The following RRP15 variants were observed in gnomAD, a reference collection of about 807,000 sequenced individuals.
RRP15 encodes the protein RRP15-like protein.
Under a neutral mutation model 27.1 loss-of-function variants are expected in RRP15, and 18 were observed. The ratio of observed to expected loss-of-function variants is 0.66; its 90% CI spans 0.46 to 0.98. The LOEUF (loss-of-function observed/expected upper bound fraction) is 0.98, where lower values mean the gene tolerates loss of function less well. RRP15 is among the 50% of genes least tolerant of loss of function. RRP15 has a pLI of 0.00. For synonymous variants in RRP15, 107 were observed against 109.4 expected, an observed-to-expected ratio of 0.98 and a Z score of 0.14; for missense variants, 359 against 337.8, an observed-to-expected ratio of 1.06 and a Z score of -0.49.
chr1:218,307,389 T>C (rs753193287), intron 3 of RRP15, 42 bp from the exon 4 acceptor site: 2 of 1,524,568 alleles, frequency 1.3e-6, no homozygotes, highest in Non-Finnish European at 1.8e-6. Flanking sequence ...TATTCTAGGG[T>C]AATTATTTAA....
chr1:218,326,257 G>C (rs1363727731), intron 4 of RRP15, among the ~76,000 whole-genome samples: 1 of 152,180 alleles, frequency 6.6e-6, no homozygotes, highest in Non-Finnish European at 1.5e-5. Flanking sequence ...AGTGAGCCAA[G>C]AATGCACCAT....
At chr1:218,294,270 C>G (rs1403320950) in intron 1 of RRP15, among the ~76,000 whole-genome samples, 1 of 152,134 alleles carries the variant, frequency 6.6e-6, no homozygotes, top group Non-Finnish European at 1.5e-5. Flanking sequence ...CCTGTTTGCT[C>G]TCCAATTCAT....
In RRP15 at chr1:218,325,270, AT is replaced by A. The variant is rs141687925; in HGVS notation, c.706-5676del. Among the ~76,000 whole-genome samples the A allele has an allele frequency of 5.6e-3, 853 of 152,300 alleles. 7 individuals carry two copies. The highest frequency in any genetic ancestry group is 0.019 in the African/African-American group (779 of 41,554). On this transcript the variant is annotated intron_variant, in intron 4 of 4. Coordinates refer to ENST00000366932, the MANE Select transcript of RRP15 (RefSeq NM_016052.4). ...GTGTAGTTGTTATTTTGGAATCTCCATTCATTCTCATCCTGGCTGTTTCCTT... is the reference window on the plus strand; with the variant it reads ...GTGTAGTTGTTATTTTGGAATCTCCATCATTCTCATCCTGGCTGTTTCCTT...
chr1:218,307,562 G>T lies in RRP15; in HGVS notation c.635G>T (p.Ser212Ile), dbSNP rs770136251. Residue 212 changes from serine to isoleucine, a missense_variant, in exon 4 of 5, where the codon AGT (serine) becomes ATT (isoleucine). Ser to Ile is a moderately radical substitution (Grantham distance 142). Transcript: ENST00000366932. ...ACTGTTTCCAAGAAAGATTTCATCA[G>T]TGTTTTGAGAGGGATGGATGGAAGT... ...ISTVSKKDFI[S>I]VLRGMDGSTN... 3 of 1,613,996 alleles carry T rather than the reference G, an allele frequency of 1.9e-6. No homozygotes were observed. Among genetic ancestry groups the T allele is most frequent in the Non-Finnish European group, 2.5e-6 (3 of 1,179,932 alleles).
intron 4 of RRP15, among the ~76,000 whole-genome samples, chr1:218,316,738 G>A (rs1656094865): frequency 6.6e-6 from 1 of 152,066 alleles, no homozygotes; most frequent in Non-Finnish European, 1.5e-5. Flanking sequence ...ATTTTCCATT[G>A]CATGCCATCA....
Position 218,307,459 on chromosome 1 carries a change from C to G in RRP15, c.532C>G (p.Gln178Glu). ...RGVVQLFNAVQKHQKNVDEKV... is the reference protein window; with the variant it reads ...RGVVQLFNAVEKHQKNVDEKV... ...TGTGGTGCAATTATTTAATGCTGTT[C>G]AGAAACATCAAAAGAATGTTGATGA... Residue 178 changes from glutamine to glutamate, a missense_variant, in exon 4 of 5, where the codon CAG becomes GAG. Physicochemically the swap from Gln to Glu is conservative, Grantham distance 29. Coordinates refer to ENST00000366932, the MANE Select transcript of RRP15 (RefSeq NM_016052.4). 1 of 1,613,636 alleles carries G rather than the reference C, an allele frequency of 6.2e-7. No homozygotes were observed. The highest frequency in any genetic ancestry group is 8.5e-7 in the Non-Finnish European group (1 of 1,179,840).
intron 1 of RRP15, chr1:218,301,313 A>T (rs1315913704): frequency 6.6e-6 from 1 of 152,208 alleles, no homozygotes; most frequent in Non-Finnish European, 1.5e-5. Context: ...TCTTCCAAGT[A>T]TTTCCTAATA....
intron 3 of RRP15, 115 bp from the exon 4 acceptor site, chr1:218,307,316 C>T (rs1420612812): frequency 1.2e-6 from 1 of 810,616 alleles, no homozygotes; most frequent in Non-Finnish European, 1.9e-6. Flanking sequence ...CCTTTGAGTA[C>T]TTGTTAAATG....
At chr1:218,312,319 G>T (rs1236620188) in intron 4 of RRP15, among the ~76,000 whole-genome samples, 2 of 146,328 alleles carry the variant, frequency 1.4e-5, no homozygotes, top group African/African-American at 5.0e-5. Context: ...GTTCAGTGCT[G>T]CTCTGCTCGT....
intron 1 of RRP15, chr1:218,301,611 A>G (rs1571796770): frequency 6.6e-6 from 1 of 152,114 alleles, no homozygotes. Flanking sequence ...GTACACTTAC[A>G]CATTTGTATC....
chr1:218,287,710 C>G (rs144178749), intron 1 of RRP15, among the ~76,000 whole-genome samples: 96 of 152,232 alleles, frequency 6.3e-4, no homozygotes, highest in African/African-American at 2.0e-3. Flanking sequence ...TTATATCTTA[C>G]GTGTATTATT....
intron 4 of RRP15, among the ~76,000 whole-genome samples, chr1:218,310,477 A>C (rs116660666): frequency 0.01 from 1,591 of 152,280 alleles, 31 homozygotes; most frequent in African/African-American, 0.036. Context: ...CAAAAGAGGC[A>C]GGAGTTTTAT....
chr1:218,327,515 G>A (rs1656293557), intron 4 of RRP15, among the ~76,000 whole-genome samples: 2 of 152,062 alleles, frequency 1.3e-5, no homozygotes, highest in Admixed American at 1.3e-4. Flanking sequence ...TGTTGGCCAG[G>A]CTGGTCTGAA....
rs1261072062 is a variant in RRP15, at chr1:218,331,688, T to C, written c.*597T>C. ...TTTTTTTTTTTTTTTTTTTTTTTTTTTTGAGACGGAGTCTTGCTCTGTGGC... is the reference window on the plus strand; with the variant it reads ...TTTTTTTTTTTTTTTTTTTTTTTTTCTTGAGACGGAGTCTTGCTCTGTGGC... On this transcript the variant is annotated 3_prime_UTR_variant, in exon 5 of 5. Transcript: ENST00000366932. The C allele has an allele frequency of 1.0e-4, 11 of 104,818 alleles. No homozygotes were observed. Among genetic ancestry groups the C allele is most frequent in the Admixed American group, 2.0e-4 (2 of 9,936 alleles). The allele number at this position is 104,818 out of a possible 1,614,324, so 6.5% of individuals were successfully genotyped here.
In RRP15 at chr1:218,328,193, G is replaced by T. The variant is rs1004677368; in HGVS notation, c.706-2755G>T. Among the ~76,000 whole-genome samples, 3 of 152,138 alleles carry T rather than the reference G, an allele frequency of 2.0e-5. No homozygotes were observed. The East Asian group carries it at 5.8e-4, about 29-fold the overall frequency. On this transcript the variant is annotated intron_variant, in intron 4 of 4. Transcript: ENST00000366932. ...TAAAGCTCTTCCTGTTATTCTTTACGTTGGACAATTGAGTAAAACGTTGTA... is the reference window on the plus strand; with the variant it reads ...TAAAGCTCTTCCTGTTATTCTTTACTTTGGACAATTGAGTAAAACGTTGTA...
intron 1 of RRP15, among the ~76,000 whole-genome samples, chr1:218,288,704 G>A (rs556774255): frequency 6.4e-4 from 98 of 152,344 alleles, no homozygotes; most frequent in African/African-American, 1.3e-3. Context: ...AAGTGAAAGC[G>A]TTGGGCCTTT....
chr1:218,303,343 A>G (rs551182673), intron 2 of RRP15, among the ~76,000 whole-genome samples: 2 of 152,308 alleles, frequency 1.3e-5, no homozygotes, highest in South Asian at 2.1e-4. Context: ...GAACTGACAT[A>G]TATTTCCTTT....
chr1:218,302,558 A>G lies in RRP15; in HGVS notation c.404A>G (p.Gln135Arg). The change falls in exon 2 of 5, where the codon CAG becomes CGG. Residue 135 changes from glutamine (Q) to arginine (R), a missense_variant and splice_region_variant. Coordinates refer to ENST00000366932, the MANE Select transcript of RRP15 (RefSeq NM_016052.4). ...CAAGAAAGACTAGAGAAAATAAAAC[A>G]GGTATGTTCCACCAGTTCTCTTGTA... The part of the protein sequence containing the change: ...LKQERLEKIK[Q>R]RDKRLEWEMM... The G allele has an allele frequency of 6.2e-7, 1 of 1,611,046 alleles. No homozygotes were observed. Among genetic ancestry groups the G allele is most frequent in the Non-Finnish European group, 8.5e-7 (1 of 1,179,048 alleles).
chr1:218,291,554 A>G (rs945917972), intron 1 of RRP15, among the ~76,000 whole-genome samples: 2 of 112,172 alleles, frequency 1.8e-5, no homozygotes, highest in Non-Finnish European at 3.4e-5. Flanking sequence ...TTTTTTTGAG[A>G]TGGAGTCTCG....
Sources: allele counts gnomAD v4.1 joint callset (sites outside exome capture counted in the v4.1 genomes callset), GRCh38; gene constraint gnomAD v4.1.1; transcripts MANE v1.5; gene names NCBI Gene and HGNC (gene_info 2026-07-23, HGNC 2026-07-21).